Variants in MARCHF3 observed in about 807,000 individuals in gnomAD.
The protein encoded by MARCHF3 is E3 ubiquitin-protein ligase MARCHF3.
MARCHF3 carries 13 observed loss-of-function variants against 24.2 expected under a neutral mutation model. The ratio of observed to expected loss-of-function variants is 0.54; its 90% CI spans 0.35 to 0.85. The LOEUF is 0.85. Ranked by LOEUF, MARCHF3 falls within the 40% of genes least tolerant of loss-of-function variation. The pLI is 0.01. For synonymous variants in MARCHF3, 144 were observed against 137.3 expected, an observed-to-expected ratio of 1.05 and a Z score of -0.34; for missense variants, 276 against 325.0, an observed-to-expected ratio of 0.85 and a Z score of 1.16.
chr5:126,983,114 C>T (rs1156464588), intron 1 of MARCHF3, among the ~76,000 whole-genome samples: 2 of 152,172 alleles, frequency 1.3e-5, no homozygotes, highest in Non-Finnish European at 2.9e-5. Flanking sequence ...CTTCCCTCTG[C>T]AAGAGAAGAG....
At chr5:126,971,439 ACT>A (rs1287279905) in intron 1 of MARCHF3, among the ~76,000 whole-genome samples, 23 of 126,740 alleles carry the variant, frequency 1.8e-4, no homozygotes, top group African/African-American at 5.9e-4. Flanking sequence ...ACAGAGCGAG[ACT>A]CTGTCTCAAA....
At chr5:126,905,375 G>A (rs1202971946) in intron 3 of MARCHF3, among the ~76,000 whole-genome samples, 162 of 145,146 alleles carry the variant, frequency 1.1e-3, no homozygotes, top group African/African-American at 4.0e-3. Flanking sequence ...GCTTGATGGG[G>A]ATGGCATTGA....
At chr5:126,882,715 C>G (rs1261008080) in intron 3 of MARCHF3, among the ~76,000 whole-genome samples, 4 of 152,160 alleles carry the variant, frequency 2.6e-5, no homozygotes, top group Non-Finnish European at 1.5e-5. Flanking sequence ...CGTGGCCTGC[C>G]TCATATCAGG....
chr5:126,956,068 C>G (rs1750430232), intron 1 of MARCHF3, among the ~76,000 whole-genome samples: 1 of 152,112 alleles, frequency 6.6e-6, no homozygotes, highest in African/African-American at 2.4e-5. Context: ...AATGCCTTGT[C>G]TACTCTATGC....
At chr5:126,889,004 A>G (rs1384046053) in intron 3 of MARCHF3, among the ~76,000 whole-genome samples, 3 of 152,210 alleles carry the variant, frequency 2.0e-5, no homozygotes, top group Non-Finnish European at 2.9e-5. Context: ...ACTTCAAGTG[A>G]TCCACCCGCC....
Position 126,870,769 on chromosome 5 carries a change from C to T in MARCHF3, c.626G>A (p.Arg209Gln), listed in dbSNP as rs750922022. 14 of 1,613,926 alleles carry T rather than the reference C, an allele frequency of 8.7e-6. No individual in the cohort carries two copies. Among genetic ancestry groups the T allele is most frequent in the South Asian group, 6.6e-5 (6 of 91,074 alleles). Residue 209 changes from arginine to glutamine, a missense_variant, in exon 5 of 5, where the codon CGA becomes CAA. Coordinates refer to ENST00000308660, the MANE Select transcript of MARCHF3 (RefSeq NM_178450.5). ...WTLVSFRYHC[R>Q]LYNEWRRTNQ... ...GGTCCGACGCCACTCGTTGTACAAT[C>T]GACAGTGGTACCTAAATGACACCTG...
intron 1 of MARCHF3, among the ~76,000 whole-genome samples, chr5:126,940,151 G>T (rs914594011): frequency 6.6e-6 from 1 of 152,196 alleles, no homozygotes; most frequent in African/African-American, 2.4e-5. Context: ...TGCATGTAGG[G>T]TGACTCGAAT....
chr5:126,957,151 C>T (rs569787860), intron 1 of MARCHF3, among the ~76,000 whole-genome samples: 8 of 152,172 alleles, frequency 5.3e-5, no homozygotes, highest in South Asian at 2.1e-4. Context: ...AACTTTATCA[C>T]GTTTCTTGGC....
At chr5:126,969,416 C>A (rs954121239) in intron 1 of MARCHF3, among the ~76,000 whole-genome samples, 1 of 152,288 alleles carries the variant, frequency 6.6e-6, no homozygotes, top group African/African-American at 2.4e-5. Flanking sequence ...CTTCTAGTAT[C>A]AGCAAAATAA....
At chr5:126,963,512 A>C (rs1283641157) in intron 1 of MARCHF3, among the ~76,000 whole-genome samples, 1 of 152,216 alleles carries the variant, frequency 6.6e-6, no homozygotes, top group Non-Finnish European at 1.5e-5. Flanking sequence ...AATTTAAAAA[A>C]CAAAAAACCA....
Position 127,017,097 on chromosome 5 carries a change from C to T in MARCHF3, c.-57+13253G>A, listed in dbSNP as rs868826789. ...CTTGGACGCAGGGAGGGGAACATCA[C>T]GCACTGGGGCCTGTCAGGTGGTGGG... On this transcript the variant is annotated intron_variant, in intron 1 of 4. Coordinates refer to ENST00000308660, the MANE Select transcript of MARCHF3 (RefSeq NM_178450.5). 6.8e-4 allele frequency among the ~76,000 whole-genome samples: 104 copies of T among 152,168 alleles called. 1 individual carries two copies. Among genetic ancestry groups the T allele is most frequent in the African/African-American group, 2.2e-3 (93 of 41,516 alleles).
At chr5:126,872,355 C>T (rs1199476488) in intron 4 of MARCHF3, among the ~76,000 whole-genome samples, 7 of 152,226 alleles carry the variant, frequency 4.6e-5, no homozygotes, top group East Asian at 1.9e-4. Flanking sequence ...CCATGGTGCC[C>T]GGCCAAGGTG....
chr5:126,980,963 T>A (rs1347434060), intron 1 of MARCHF3, among the ~76,000 whole-genome samples: 2 of 152,212 alleles, frequency 1.3e-5, no homozygotes, highest in Admixed American at 1.3e-4. Flanking sequence ...AGACTGAAAG[T>A]CAAGAGCAGT....
At chr5:126,992,613 A>C (rs1346499923) in intron 1 of MARCHF3, among the ~76,000 whole-genome samples, 1 of 152,082 alleles carries the variant, frequency 6.6e-6, no homozygotes, top group Non-Finnish European at 1.5e-5. Flanking sequence ...CGTAGAGGTT[A>C]CGTACTACAC....
intron 1 of MARCHF3, among the ~76,000 whole-genome samples, chr5:126,950,386 T>C (rs1750188661): frequency 6.6e-6 from 1 of 152,142 alleles, no homozygotes; most frequent in Non-Finnish European, 1.5e-5. Context: ...ATGTTGACAT[T>C]TCTCCCCTCA....
At chr5:126,904,806 C>G (rs1754229345) in intron 3 of MARCHF3, among the ~76,000 whole-genome samples, 1 of 151,482 alleles carries the variant, frequency 6.6e-6, no homozygotes, top group Non-Finnish European at 1.5e-5. Flanking sequence ...TGTGCAGAAG[C>G]TCTTTAGTTC....
chr5:126,906,612 T>C (rs890238143), intron 3 of MARCHF3, among the ~76,000 whole-genome samples: 14 of 152,326 alleles, frequency 9.2e-5, no homozygotes, highest in Non-Finnish European at 1.9e-4. Flanking sequence ...CGTAGAGGTG[T>C]TTGTAGTATT....
rs1752177723 is a variant in MARCHF3 at position 127,002,985 on chromosome 5, A to C, written c.-57+27365T>G. Reference sequence around the variant, plus strand: ...GCAATCGATAACCAGAGTGGAGAGGACAGGAAAGCAACAATCACAAGTCCC... The same window carrying C: ...GCAATCGATAACCAGAGTGGAGAGGCCAGGAAAGCAACAATCACAAGTCCC... On this transcript the variant is annotated intron_variant, in intron 1 of 4. Transcript: ENST00000308660. 2.0e-5 allele frequency among the ~76,000 whole-genome samples: 3 copies of C among 152,226 alleles called. No homozygotes were observed. In the South Asian group the frequency reaches 6.2e-4, roughly 32 times the overall value.
chr5:126,894,955 T>C (rs1442356659), intron 3 of MARCHF3, among the ~76,000 whole-genome samples: 6 of 152,072 alleles, frequency 3.9e-5, no homozygotes, highest in Admixed American at 2.6e-4. Flanking sequence ...ACCAATCAGA[T>C]GTAGATTTGG....
Sources: gnomAD v4.1 joint callset for allele counts (sites outside exome capture counted in the v4.1 genomes callset) on GRCh38, gnomAD v4.1.1 for gene constraint, MANE v1.5 for transcripts, NCBI Gene and HGNC (gene_info 2026-07-23, HGNC 2026-07-21) for gene names.